Variants in CERT1 observed in about 807,000 individuals in gnomAD.
CERT1 encodes the protein ceramide transfer protein.
In CERT1, 31 loss-of-function variants were observed where a neutral mutation model predicts 87.9. The observed-to-expected ratio is 0.35, with a 90% CI of 0.27 to 0.48. The LOEUF (loss-of-function observed/expected upper bound fraction) is 0.48, where lower values mean the gene tolerates loss of function less well. Among genes scored for constraint, CERT1 ranks in the 20% least tolerant of loss-of-function variants. CERT1 has a pLI of 0.99. For missense variants in CERT1, 487 were observed against 758.0 expected (o/e 0.64, Z 4.20); for synonymous variants, 289 against 250.9 (o/e 1.15, Z -1.44).
intron 3 of CERT1, among the ~76,000 whole-genome samples, chr5:75,441,195 A>C (rs937864537): frequency 6.6e-6 from 1 of 152,194 alleles, no homozygotes; most frequent in African/African-American, 2.4e-5. Flanking sequence ...GTTTTGACAT[A>C]CAAATAATTA....
chr5:75,423,212 T>C (rs1159823801), intron 5 of CERT1, among the ~76,000 whole-genome samples: 2 of 152,266 alleles, frequency 1.3e-5, no homozygotes, highest in African/African-American at 4.8e-5. Context: ...ATCACTTTTG[T>C]CCTTCTAATA....
At chr5:75,489,123 C>T (rs1766658738) in intron 2 of CERT1, among the ~76,000 whole-genome samples, 1 of 152,026 alleles carries the variant, frequency 6.6e-6, no homozygotes, top group Admixed American at 6.6e-5. Context: ...CTCTGACAAA[C>T]CTGACAAAAA....
chr5:75,382,470 C>A (rs1033629092), intron 14 of CERT1, among the ~76,000 whole-genome samples: 2 of 151,938 alleles, frequency 1.3e-5, no homozygotes, highest in African/African-American at 4.8e-5. Context: ...TCCTCATACT[C>A]CATGATTATG....
chr5:75,403,512 T>C (rs1404137735), intron 8 of CERT1, among the ~76,000 whole-genome samples: 1 of 152,236 alleles, frequency 6.6e-6, no homozygotes. Context: ...AGCTATATAT[T>C]ATCTAGGGCT....
At chr5:75,485,074 A>G (rs1766445191) in intron 2 of CERT1, among the ~76,000 whole-genome samples, 5 of 152,234 alleles carry the variant, frequency 3.3e-5, no homozygotes, top group Middle Eastern at 3.4e-3. Context: ...ACTTGGAACT[A>G]AACAACACGC....
chr5:75,434,636 G>T (rs1261647646), intron 3 of CERT1, among the ~76,000 whole-genome samples: 1 of 150,790 alleles, frequency 6.6e-6, no homozygotes, highest in Non-Finnish European at 1.5e-5. Flanking sequence ...TTTCTGATTG[G>T]TAGGTTTTTT....
At chr5:75,486,543 G>T (rs1040563183) in intron 2 of CERT1, among the ~76,000 whole-genome samples, 9 of 151,948 alleles carry the variant, frequency 5.9e-5, no homozygotes, top group Non-Finnish European at 1.2e-4. Context: ...TGGAAAGAAA[G>T]AAATCAAATT....
chr5:75,495,494 G>A lies in CERT1; in HGVS notation c.231+10488C>T, dbSNP rs146491289. Among the ~76,000 whole-genome samples, 1,426 of 152,056 alleles carry A rather than the reference G, an allele frequency of 9.4e-3. 11 individuals are homozygous for A. The highest frequency in any genetic ancestry group is 0.013 in the Non-Finnish European group (865 of 67,974). ...AATTACTTCAGCCCAGGAGGTAGAG[G>A]CTTCAGTGTGCCGAGATCACGCCAC... is the stretch of plus-strand genomic sequence containing the variant. On this transcript the variant is annotated intron_variant, in intron 2 of 16. Coordinates refer to ENST00000643780, the MANE Select transcript of CERT1 (RefSeq NM_001379029.1).
At chr5:75,464,202 A>G (rs1765356851) in intron 2 of CERT1, among the ~76,000 whole-genome samples, 1 of 152,160 alleles carries the variant, frequency 6.6e-6, no homozygotes, top group Admixed American at 6.5e-5. Flanking sequence ...ATTTGCACAC[A>G]ACATTGGAGA....
chr5:75,491,809 G>C (rs1030902894), intron 2 of CERT1, among the ~76,000 whole-genome samples: 2 of 152,088 alleles, frequency 1.3e-5, no homozygotes, highest in African/African-American at 4.8e-5. Context: ...TAACATTTTG[G>C]GATGCGGCTT....
intron 3 of CERT1, among the ~76,000 whole-genome samples, chr5:75,449,953 T>C (rs530234080): frequency 1.4e-4 from 21 of 152,244 alleles, no homozygotes; most frequent in Admixed American, 1.3e-3. Flanking sequence ...TTAAGTTACA[T>C]CTCTTCATTG....
intron 15 of CERT1, 65 bp from the exon 16 acceptor site, chr5:75,381,266 A>G: frequency 1.3e-6 from 2 of 1,584,574 alleles, no homozygotes; most frequent in Admixed American, 1.7e-5. Context: ...CTGGTCTAAT[A>G]TTATATTAGG....
intron 2 of CERT1, 26 bp downstream of exon 2, chr5:75,505,956 T>C (rs777997634): frequency 1.3e-6 from 2 of 1,594,940 alleles, no homozygotes; most frequent in East Asian, 2.2e-5. Flanking sequence ...TAAATATTTG[T>C]TGAATGAAGA....
chr5:75,405,420 T>A (rs1762661866), intron 8 of CERT1, among the ~76,000 whole-genome samples: 1 of 152,180 alleles, frequency 6.6e-6, no homozygotes, highest in African/African-American at 2.4e-5. Context: ...CATCCTTTGA[T>A]GACTCCTAAA....
Position 75,384,729 on chromosome 5 carries a change from A to G in CERT1, c.1418-17T>C. On this transcript the variant is annotated splice_polypyrimidine_tract_variant and intron_variant, in intron 13 of 16. Coordinates refer to ENST00000643780, the MANE Select transcript of CERT1 (RefSeq NM_001379029.1). ...CTATAGTTGCTGAAATGAAGAGAAT[A>G]ATAAAAAGATATATTATCTTTTCCT... 6.8e-7 allele frequency: 1 copy of G among 1,472,720 alleles called. No individual in the cohort carries two copies. The highest frequency in any genetic ancestry group is 9.5e-7 in the Non-Finnish European group (1 of 1,054,080). The allele number at this position is 1,472,720 out of a possible 1,614,324, so 91.2% of individuals were successfully genotyped here. A position where few individuals can be genotyped will look rare whatever the true frequency, so the allele number is the denominator to read the frequency against.
At chr5:75,468,531 G>A (rs1352267533) in intron 2 of CERT1, among the ~76,000 whole-genome samples, 5 of 152,070 alleles carry the variant, frequency 3.3e-5, no homozygotes, top group African/African-American at 1.2e-4. Flanking sequence ...GTGACAGGTG[G>A]TAAACTATAG....
intron 2 of CERT1, among the ~76,000 whole-genome samples, chr5:75,499,426 G>C (rs944120554): frequency 6.6e-6 from 1 of 152,156 alleles, no homozygotes; most frequent in Non-Finnish European, 1.5e-5. Flanking sequence ...AATCATGGGA[G>C]TGATGGTTTT....
intron 2 of CERT1, among the ~76,000 whole-genome samples, chr5:75,470,664 A>G (rs1238947657): frequency 1.3e-5 from 2 of 152,228 alleles, no homozygotes; most frequent in Non-Finnish European, 2.9e-5. Flanking sequence ...TACACTGAAC[A>G]GGGAAAAGTT....
intron 2 of CERT1, among the ~76,000 whole-genome samples, chr5:75,496,285 TA>T (rs769610257): frequency 5.1e-3 from 623 of 122,944 alleles, no homozygotes; most frequent in East Asian, 6.6e-3. Context: ...TGGTTAAGAT[TA>T]AAAAAAAAAA....
Sources: allele counts gnomAD v4.1 joint callset (sites outside exome capture counted in the v4.1 genomes callset), GRCh38; gene constraint gnomAD v4.1.1; transcripts MANE v1.5; gene names NCBI Gene and HGNC (gene_info 2026-07-23, HGNC 2026-07-21).